Variants in APOB observed in about 807,000 individuals in gnomAD.
The protein encoded by APOB is apolipoprotein B-100.
Under a neutral mutation model 314.1 loss-of-function variants are expected in APOB, and 153 were observed. The ratio of observed to expected loss-of-function variants is 0.49; its 90% CI spans 0.43 to 0.56. The LOEUF is 0.56. Ranked by LOEUF, APOB falls within the 20% of genes least tolerant of loss-of-function variation. APOB has a pLI of 0.00. For synonymous variants in APOB, 2,087 were observed against 2,036.4 expected (o/e 1.02, Z -0.67); for missense variants, 5,430 against 5,350.7 (o/e 1.01, Z -0.46).
chr2:21,018,828 G>A (rs1336953156), intron 20 of APOB, among the ~76,000 whole-genome samples, 164 bp downstream of exon 20: 1 of 152,224 alleles, frequency 6.6e-6, no homozygotes, highest in Middle Eastern at 3.4e-3. Context: ...TAGGCCTGCC[G>A]CTTATTGGGT....
Position 21,008,713 on chromosome 2 carries a change from G to A in APOB, c.8155C>T (p.Pro2719Ser). The change falls in exon 26 of 29, where the codon CCA becomes TCA. Residue 2719 changes from proline (P) to serine (S), a missense_variant. Pro to Ser is a moderately conservative substitution (Grantham distance 74, BLOSUM62 -1). Coordinates refer to ENST00000233242, the MANE Select transcript of APOB (RefSeq NM_000384.3). ...TTGAGAGTTGGGATTATGAATTCTG[G>A]AATTGCGATTTCTGGTAAACGGAAG... ...PDFRLPEIAI[P>S]EFIIPTLNLN... The A allele has an allele frequency of 1.2e-6, 2 of 1,614,094 alleles. No homozygotes were observed. The highest frequency in any genetic ancestry group is 1.7e-6 in the Non-Finnish European group (2 of 1,179,992).
rs770748174 is a variant in APOB, at chr2:21,009,670, C to T, written c.7198G>A (p.Ala2400Thr). The T allele has an allele frequency of 3.1e-6, 5 of 1,613,264 alleles. No individual in the cohort carries two copies. The highest frequency in any genetic ancestry group is 4.2e-6 in the Non-Finnish European group (5 of 1,179,508). The change falls in exon 26 of 29, where the codon GCT becomes ACT. Residue 2400 changes from alanine (A) to threonine (T), a missense_variant. Around this residue, in one of 3 missense-constraint regions of APOB, gnomAD observed 3,281 missense variants for 3,171.0 expected, o/e 1.03. Coordinates refer to ENST00000233242, the MANE Select transcript of APOB (RefSeq NM_000384.3). ...GATAATTCATTAAGCTTCTTGACAG[C>T]ATCATCAATAAATCCAACCAATTTC... is the stretch of plus-strand genomic sequence containing the variant. Reference protein sequence around the residue: ...FEKLVGFIDDAVKKLNELSFK... With the variant: ...FEKLVGFIDDTVKKLNELSFK...
At chr2:21,043,670 A>AC in intron 1 of APOB, 119 bp from the exon 2 acceptor site, 1 of 1,501,458 alleles carries the variant, frequency 6.7e-7, no homozygotes, top group South Asian at 1.2e-5. Context: ...GGCTCCGGAG[A>AC]CCCCCTCCTC....
chr2:21,008,834 C>A lies in APOB; in HGVS notation c.8034G>T (p.Gln2678His). The change falls in exon 26 of 29, where the codon CAG (glutamine) becomes CAT (histidine). Residue 2678 changes from glutamine (Q) to histidine (H), a missense_variant. Coordinates refer to ENST00000233242, the MANE Select transcript of APOB (RefSeq NM_000384.3). ...MKVKIIRTID[Q>H]MLNSELQWPV... ...GCCACTGCAGCTCACTGTTCAGCAT[C>A]TGGTCAATGGTTCTGATGATCTTTA... 2 of 1,614,030 alleles carry A rather than the reference C, an allele frequency of 1.2e-6. No homozygotes were observed. The highest frequency in any genetic ancestry group is 1.7e-6 in the Non-Finnish European group (2 of 1,179,948).
Position 21,012,386 on chromosome 2 carries a change from C to A in APOB, c.4482G>T (p.Ser1494=), listed in dbSNP as rs769700242. The A allele has an allele frequency of 6.8e-6, 11 of 1,614,160 alleles. No homozygotes were observed. In the East Asian group the frequency reaches 2.5e-4, roughly 36 times the overall value. The change falls in exon 26 of 29, where the codon TCG becomes TCT. Residue 1494 remains serine, a synonymous_variant. Transcript: ENST00000233242. ...GGCCATATGTGCCTTTAGCATAGAA[C>A]GAAGAGACTCTGAACTGCCCATCAA... The part of the protein sequence containing the change: ...VKIDGQFRVS[S]FYAKGTYGLS...
rs763878189 is a variant in APOB at position 21,037,195 on chromosome 2, C to T, written c.598G>A (p.Ala200Thr). Residue 200 changes from alanine to threonine, a missense_variant, in exon 6 of 29, where the codon GCA becomes ACA. This residue lies in a region of APOB where 2,085 missense variants were observed against 2,079.7 expected (regional missense o/e 1.00). Transcript: ENST00000233242. ...FTVKTRKGNV[A>T]TEISTERDLG... ...TCTCTTTCAGTGGATATTTCTGTTG[C>T]CACATTGCCCTTCCTCGTCTTGACG... The T allele has an allele frequency of 3.8e-5, 61 of 1,614,180 alleles. No homozygotes were observed. The highest frequency in any genetic ancestry group is 4.7e-5 in the Non-Finnish European group (55 of 1,180,034).
rs776498574 is a variant in APOB at position 21,012,658 on chromosome 2, T to G, written c.4217-7A>C. 1.9e-6 allele frequency: 3 copies of G among 1,609,746 alleles called. No homozygotes were observed. The highest frequency in any genetic ancestry group is 1.3e-5 in the African/African-American group (1 of 75,018). ...TATGTTGTTTCTCCAGATCCTAACA[T>G]AAAAATGAAAAGACATTGGTTAAAT... On this transcript the variant is annotated splice_polypyrimidine_tract_variant and splice_region_variant and intron_variant, in intron 25 of 28. Transcript: ENST00000233242.
Position 21,037,080 on chromosome 2 carries a change from A to C in APOB, c.693+20T>G, listed in dbSNP as rs766834454. The C allele has an allele frequency of 2.5e-6, 4 of 1,614,132 alleles. No homozygotes were observed. The highest frequency in any genetic ancestry group is 4.5e-5 in the East Asian group (2 of 44,878). ...GAGGATGCTCCTTGCTGTGCACGAC[A>C]GTGCTGACATGGGACTTACCATGCC... On this transcript the variant is annotated intron_variant, in intron 6 of 28. Transcript: ENST00000233242.
At chr2:21,038,873 T>G (rs1446166211) in intron 4 of APOB, among the ~76,000 whole-genome samples, 1 of 152,252 alleles carries the variant, frequency 6.6e-6, no homozygotes, top group African/African-American at 2.4e-5. Context: ...TTTTTCTCAC[T>G]TAATTATACT....
chr2:21,011,794 C>T lies in APOB; in HGVS notation c.5074G>A (p.Glu1692Lys), dbSNP rs867683513. 1.9e-6 allele frequency: 3 copies of T among 1,614,004 alleles called. No individual in the cohort carries two copies. Among genetic ancestry groups the T allele is most frequent in the Non-Finnish European group, 2.5e-6 (3 of 1,180,034 alleles). The change falls in exon 26 of 29, where the codon GAA (glutamate) becomes AAA (lysine). Residue 1692 changes from glutamate to lysine, a missense_variant. By Grantham distance (56) the Glu-to-Lys change is moderately conservative. Around this residue, in one of 3 missense-constraint regions of APOB, gnomAD observed 2,085 missense variants for 2,079.7 expected, o/e 1.00. Transcript: ENST00000233242. ...TCCAGACTGAATTTTGCATTGTGTT[C>T]CCTGAAGCGGCCATTTGTTGTTAAT... ...MKLTTNGRFR[E>K]HNAKFSLDGK...
chr2:21,023,444 A>G (rs1663662557), intron 17 of APOB, 81 bp downstream of exon 17: 2 of 1,524,274 alleles, frequency 1.3e-6, no homozygotes, highest in South Asian at 1.1e-5. Context: ...GTGGAAACAC[A>G]TTTTTAAATA....
intron 4 of APOB, among the ~76,000 whole-genome samples, chr2:21,040,388 T>C (rs924584403): frequency 6.6e-6 from 1 of 152,198 alleles, no homozygotes; most frequent in African/African-American, 2.4e-5. Context: ...CAAACTGTGA[T>C]TGAGGATGAG....
chr2:21,038,067 A>G lies in APOB; in HGVS notation c.428T>C (p.Leu143Pro), dbSNP rs1327483607. Residue 143 changes from leucine to proline, a missense_variant, in exon 5 of 29, where the codon CTT (leucine) becomes CCT (proline). Physicochemically the swap from Leu to Pro is moderately conservative, Grantham distance 98 (BLOSUM62 -3). Around this residue, in one of 3 missense-constraint regions of APOB, gnomAD observed 2,085 missense variants for 2,079.7 expected, o/e 1.00. Coordinates refer to ENST00000233242, the MANE Select transcript of APOB (RefSeq NM_000384.3). ...LAIPEGKQVF[L>P]YPEKDEPTYI... ...AGTAGGTTCATCTTTCTCCGGGTAA[A>G]GGAAAACCTGCTTCCCTTCTGGAAT... The G allele has an allele frequency of 6.2e-7, 1 of 1,614,202 alleles. No individual in the cohort carries two copies. The highest frequency in any genetic ancestry group is 8.5e-7 in the Non-Finnish European group (1 of 1,180,038).
At chr2:21,013,015 A>G in intron 25 of APOB, 145 bp downstream of exon 25, 3 of 963,402 alleles carry the variant, frequency 3.1e-6, no homozygotes, top group Middle Eastern at 3.3e-4. Context: ...AAATATTTCT[A>G]TTTGTTGAAT....
chr2:21,035,609 G>A lies in APOB; in HGVS notation c.793C>T (p.His265Tyr), dbSNP rs1663982909. 3 of 1,614,134 alleles carry A rather than the reference G, an allele frequency of 1.9e-6. No homozygotes were observed. Among genetic ancestry groups the A allele is most frequent in the African/African-American group, 1.3e-5 (1 of 75,056 alleles). ...TTGTAGGAGAAAGGCAGGAAGAGGT[G>A]TTGCTCCTTGCAGATGGCTTCTGCC... Reference protein sequence around the residue: ...HVAEAICKEQHLFLPFSYKNK... With the variant: ...HVAEAICKEQYLFLPFSYKNK... Residue 265 changes from histidine to tyrosine, a missense_variant, in exon 7 of 29, where the codon CAC (histidine) becomes TAC (tyrosine). His to Tyr is a moderately conservative substitution (Grantham distance 83, BLOSUM62 2). Around this residue, in one of 3 missense-constraint regions of APOB, gnomAD observed 2,085 missense variants for 2,079.7 expected, o/e 1.00. Coordinates refer to ENST00000233242, the MANE Select transcript of APOB (RefSeq NM_000384.3).
intron 19 of APOB, 132 bp downstream of exon 19, chr2:21,019,591 C>T (rs940363430): frequency 3.0e-6 from 3 of 999,680 alleles, no homozygotes; most frequent in Non-Finnish European, 4.6e-6. Flanking sequence ...GCTTTAAATA[C>T]CCAAAGATGG....
In APOB at chr2:21,041,014, A is replaced by G. The variant is rs9282603; in HGVS notation, c.307T>C (p.Tyr103His). ...KTSQCTLKEV[Y>H]GFNPEGKALL... ...GCTTTGCCCTCAGGGTTGAAGCCAT[A>G]CACCTCTTTCAGGGTGCACTGGCTG... The change falls in exon 4 of 29, where the codon TAT becomes CAT. Residue 103 changes from tyrosine (Y) to histidine (H), a missense_variant. Transcript: ENST00000233242. 1.9e-4 allele frequency: 303 copies of G among 1,613,756 alleles called. No homozygotes were observed. The African/African-American group carries it at 3.6e-3, about 19-fold the overall frequency.
chr2:21,032,644 A>G (rs907476079), intron 9 of APOB, 63 bp from the exon 10 acceptor site: 1 of 1,319,328 alleles, frequency 7.6e-7, no homozygotes, highest in Non-Finnish European at 1.1e-6. Flanking sequence ...AATATTGCTC[A>G]TGGTGTGTCC....
At position 21,019,126 on chromosome 2, in the gene APOB, C is replaced by T; in HGVS notation, c.3000-13G>A. ...TTCCAGCTCTAATCTAAAGACATTA[C>T]AATGAAGACAGTGCATAATGTTAGA... On this transcript the variant is annotated splice_polypyrimidine_tract_variant and intron_variant, in intron 19 of 28. Coordinates refer to ENST00000233242, the MANE Select transcript of APOB (RefSeq NM_000384.3). 1 of 1,613,964 alleles carries T rather than the reference C, an allele frequency of 6.2e-7. No homozygotes were observed. Among genetic ancestry groups the T allele is most frequent in the Non-Finnish European group, 8.5e-7 (1 of 1,179,964 alleles).
Sources: gnomAD v4.1 joint callset for allele counts (sites outside exome capture counted in the v4.1 genomes callset) on GRCh38, gnomAD v4.1.1 for gene constraint, gnomAD v4.1.1 regional missense constraint, MANE v1.5 for transcripts, NCBI Gene and HGNC (gene_info 2026-07-23, HGNC 2026-07-21) for gene names.